Variants in TIAM1 observed in about 807,000 individuals in gnomAD.
The protein encoded by TIAM1 is TIAM Rac1 associated GEF 1.
Under a neutral mutation model 163.5 loss-of-function variants are expected in TIAM1, and 65 were observed. That is an observed-to-expected ratio of 0.40 (90% CI 0.33 to 0.49). The LOEUF is 0.49. TIAM1 is among the 20% of genes least tolerant of loss of function. The pLI is 0.77. For synonymous variants in TIAM1, 833 were observed against 810.1 expected, an observed-to-expected ratio of 1.03 and a Z score of -0.48; for missense variants, 1,789 against 2,044.7, an observed-to-expected ratio of 0.87 and a Z score of 2.41.
At chr21:31,220,206 A>G (rs1023613473) in intron 8 of TIAM1, among the ~76,000 whole-genome samples, 19 of 152,210 alleles carry the variant, frequency 1.2e-4, no homozygotes, top group Non-Finnish European at 1.5e-5. Context: ...TACTGTGTCT[A>G]GTTAATTGTT....
chr21:31,370,768 ATGT>A (rs1180410735), intron 2 of TIAM1, among the ~76,000 whole-genome samples: 1 of 152,228 alleles, frequency 6.6e-6, no homozygotes, highest in Non-Finnish European at 1.5e-5. Flanking sequence ...GTTTAAAAAA[ATGT>A]TGTTTCCTTT....
At chr21:31,252,273 C>G in intron 4 of TIAM1, 84 bp from the exon 5 acceptor site, 17 of 1,403,682 alleles carry the variant, frequency 1.2e-5, no homozygotes, top group Non-Finnish European at 1.6e-5. Context: ...GCCCTGGGTC[C>G]AGCCAGGGCT....
chr21:31,222,254 AC>A (rs1447378872), intron 8 of TIAM1, among the ~76,000 whole-genome samples: 1 of 152,194 alleles, frequency 6.6e-6, no homozygotes, highest in Non-Finnish European at 1.5e-5. Flanking sequence ...AGTTTCTGGA[AC>A]CTGAGACTTA....
chr21:31,523,151 A>G (rs2047662699), intron 1 of TIAM1, among the ~76,000 whole-genome samples: 1 of 152,232 alleles, frequency 6.6e-6, no homozygotes, highest in African/African-American at 2.4e-5. Context: ...TAAATCAAAC[A>G]AAACATGTAA....
At chr21:31,510,899 T>C (rs777597122) in intron 1 of TIAM1, among the ~76,000 whole-genome samples, 9 of 151,998 alleles carry the variant, frequency 5.9e-5, no homozygotes, top group Non-Finnish European at 1.2e-4. Context: ...CATATTGGAG[T>C]AGGGTGGTCC....
chr21:31,408,029 T>G (rs144520132), intron 2 of TIAM1, among the ~76,000 whole-genome samples: 1 of 152,300 alleles, frequency 6.6e-6, no homozygotes, highest in Non-Finnish European at 1.5e-5. Context: ...CTTTGGAAAT[T>G]TGCATGCTTG....
At chr21:31,547,496 GA>G (rs1569426340) in intron 1 of TIAM1, among the ~76,000 whole-genome samples, 2 of 151,876 alleles carry the variant, frequency 1.3e-5, no homozygotes, top group Non-Finnish European at 2.9e-5. Context: ...GGGAAAAAAG[GA>G]AAAAAACTAC....
chr21:31,265,712 G>A (rs1358685354), intron 4 of TIAM1, among the ~76,000 whole-genome samples: 1 of 152,198 alleles, frequency 6.6e-6, no homozygotes, highest in Non-Finnish European at 1.5e-5. Context: ...GGATGCTGTT[G>A]AAGAACTAAG....
chr21:31,330,056 T>C (rs1400487283), intron 2 of TIAM1, among the ~76,000 whole-genome samples: 1 of 152,154 alleles, frequency 6.6e-6, no homozygotes, highest in East Asian at 1.9e-4. Flanking sequence ...CCAAAGTCCA[T>C]AGTTCACATT....
rs1469017797 is a variant in TIAM1 at position 31,223,398 on chromosome 21, C to T, written c.1995+8G>A. On this transcript the variant is annotated splice_region_variant and intron_variant, in intron 8 of 27. Coordinates refer to ENST00000541036, the MANE Select transcript of TIAM1 (RefSeq NM_001353694.2). ...ATGTTTTTCAAAAATTCATTAGCTTCTACTCACCAGGGCATGAAACGATGA... is the reference window on the plus strand; with the variant it reads ...ATGTTTTTCAAAAATTCATTAGCTTTTACTCACCAGGGCATGAAACGATGA... 1.2e-6 allele frequency: 2 copies of T among 1,601,622 alleles called. No homozygotes were observed. Among genetic ancestry groups the T allele is most frequent in the Non-Finnish European group, 8.5e-7 (1 of 1,173,282 alleles).
intron 16 of TIAM1, among the ~76,000 whole-genome samples, chr21:31,162,905 G>A (rs567346221): frequency 1.3e-5 from 2 of 152,200 alleles, no homozygotes; most frequent in African/African-American, 2.4e-5. Flanking sequence ...CAAGAGCCTT[G>A]TTCTCTGGAA....
intron 15 of TIAM1, among the ~76,000 whole-genome samples, chr21:31,173,417 T>C (rs146847594): frequency 6.6e-6 from 1 of 152,324 alleles, no homozygotes; most frequent in East Asian, 1.9e-4. Context: ...TCAGTCATTT[T>C]ACTGTTATAA....
intron 16 of TIAM1, 126 bp from the exon 17 acceptor site, chr21:31,154,552 T>C: frequency 1.1e-6 from 1 of 936,118 alleles, no homozygotes. Flanking sequence ...TCGTCTTGTG[T>C]TTCCACAAAT....
At chr21:31,198,330 T>C (rs2085994636) in intron 12 of TIAM1, among the ~76,000 whole-genome samples, 1 of 151,874 alleles carries the variant, frequency 6.6e-6, no homozygotes, top group African/African-American at 2.4e-5. Context: ...TGCCAAGGAG[T>C]GTGGGGGATA....
intron 9 of TIAM1, 143 bp from the exon 10 acceptor site, chr21:31,213,615 T>C (rs1202344634): frequency 3.2e-5 from 22 of 697,074 alleles, no homozygotes; most frequent in Non-Finnish European, 4.8e-5. Context: ...CCAAAGCAGG[T>C]ACAATAATTT....
chr21:31,344,506 G>T (rs185877824), upstream of TIAM1, among the ~76,000 whole-genome samples: 1 of 152,226 alleles, frequency 6.6e-6, no homozygotes, highest in African/African-American at 2.4e-5. Flanking sequence ...TGCACAAAGC[G>T]TGAGTGCTTG....
At chr21:31,329,534 A>T (rs1164151118) in intron 2 of TIAM1, among the ~76,000 whole-genome samples, 2 of 146,900 alleles carry the variant, frequency 1.4e-5, no homozygotes, top group Non-Finnish European at 3.0e-5. Flanking sequence ...CCCTTGATGC[A>T]GGAAAGTGTG....
intron 2 of TIAM1, among the ~76,000 whole-genome samples, chr21:31,450,426 T>C (rs1170146721): frequency 1.3e-5 from 2 of 152,170 alleles, no homozygotes; most frequent in African/African-American, 4.8e-5. Flanking sequence ...CTGGGCACCC[T>C]GCCTCCCACC....
chr21:31,330,947 A>C (rs1168561318), intron 2 of TIAM1, among the ~76,000 whole-genome samples: 2 of 151,910 alleles, frequency 1.3e-5, no homozygotes, highest in African/African-American at 4.8e-5. Context: ...ATAAACTCGG[A>C]AAGGTAAAAT....
Sources: allele counts gnomAD v4.1 joint callset (sites outside exome capture counted in the v4.1 genomes callset), GRCh38; gene constraint gnomAD v4.1.1; transcripts MANE v1.5; gene names NCBI Gene and HGNC (gene_info 2026-07-23, HGNC 2026-07-21).